MICAL3: variants seen among roughly 807,000 people sequenced by gnomAD.
MICAL3 encodes the protein [F-actin]-monooxygenase MICAL3.
Under a neutral mutation model 207.4 loss-of-function variants are expected in MICAL3, and 62 were observed. The ratio of observed to expected loss-of-function variants is 0.30; its 90% CI spans 0.24 to 0.37. The LOEUF is 0.37. MICAL3 is among the 10% of genes least tolerant of loss of function. The pLI is 1.00. For missense variants in MICAL3, 2,368 were observed against 2,635.6 expected, an observed-to-expected ratio of 0.90 and a Z score of 2.22; for synonymous variants, 1,077 against 1,069.3, an observed-to-expected ratio of 1.01 and a Z score of -0.14.
intron 1 of MICAL3, among the ~76,000 whole-genome samples, chr22:17,967,529 C>G (rs1339466702): frequency 6.6e-6 from 1 of 151,900 alleles, no homozygotes; most frequent in Admixed American, 6.6e-5. Context: ...GCATGGGGAT[C>G]CCACTGACAA....
At chr22:17,901,790 C>T (rs561554965) in intron 5 of MICAL3, 88 bp downstream of exon 5, 23 of 954,252 alleles carry the variant, frequency 2.4e-5, no homozygotes, top group East Asian at 2.4e-4. Flanking sequence ...AAAGGGTGGA[C>T]GCTGGTCACG....
At chr22:17,906,204 C>A (rs76365391) in intron 2 of MICAL3, among the ~76,000 whole-genome samples, 3 of 152,152 alleles carry the variant, frequency 2.0e-5, no homozygotes, top group African/African-American at 4.8e-5. Context: ...AAACTTTGAA[C>A]GCTCAATATG....
chr22:17,828,618 G>A (rs1922462849), intron 21 of MICAL3, among the ~76,000 whole-genome samples: 1 of 152,206 alleles, frequency 6.6e-6, no homozygotes, highest in African/African-American at 2.4e-5. Context: ...ACTCCATGTG[G>A]TGCCCTGCTT....
chr22:17,834,422 ACT>A (rs1923141177), intron 20 of MICAL3: 2 of 1,284,590 alleles, frequency 1.6e-6, no homozygotes, highest in East Asian at 5.7e-5. Flanking sequence ...CACAGAAAAG[ACT>A]CTTATGCTCA....
chr22:17,899,694 C>T (rs1433461056), intron 6 of MICAL3, 146 bp from the exon 7 acceptor site: 1 of 625,514 alleles, frequency 1.6e-6, no homozygotes, highest in South Asian at 1.9e-5. Context: ...TTCTCACGTC[C>T]TGTATCATCA....
At chr22:18,022,062 C>T (rs1049472532) in intron 1 of MICAL3, among the ~76,000 whole-genome samples, 1 of 152,086 alleles carries the variant, frequency 6.6e-6, no homozygotes, top group Admixed American at 6.6e-5. Context: ...ATTTCAGACC[C>T]CCAGTTTTAA....
At position 17,818,252 on chromosome 22, in the gene MICAL3, G is replaced by A; in HGVS notation, c.4409C>T (p.Ala1470Val). 5 of 1,526,788 alleles carry A rather than the reference G, an allele frequency of 3.3e-6. No homozygotes were observed. The highest frequency in any genetic ancestry group is 8.8e-7 in the Non-Finnish European group (1 of 1,141,660). 94.6% of individuals were successfully genotyped at this position (1,526,788 alleles called of 1,614,324 possible). The stretch of plus-strand genomic sequence containing the variant: ...CTCCCTGAGCTTCCTCCGCAAGGTG[G>A]CGGGCTCCTCGCCCGGGGGTGGCGG... The part of the protein sequence containing the change: ...PPPPPPGEEP[A>V]TLRRKLREAE... The change falls in exon 26 of 32, where the codon GCC becomes GTC. Residue 1470 changes from alanine to valine, a missense_variant. Physicochemically the swap from Ala to Val is moderately conservative, Grantham distance 64. This residue lies in a region of MICAL3 where 1,770 missense variants were observed against 1,863.2 expected (regional missense o/e 0.95). Coordinates refer to ENST00000441493, the MANE Select transcript of MICAL3 (RefSeq NM_015241.3).
At chr22:17,815,691 C>T (rs957708069) in intron 27 of MICAL3, 1 of 152,372 alleles carries the variant, frequency 6.6e-6, no homozygotes, top group Non-Finnish European at 1.5e-5. Flanking sequence ...CTAGAGTCTT[C>T]TAGGAGAGGG....
intron 1 of MICAL3, among the ~76,000 whole-genome samples, chr22:17,990,882 C>G (rs758232337): frequency 4.6e-5 from 7 of 152,216 alleles, no homozygotes; most frequent in Non-Finnish European, 8.8e-5. Flanking sequence ...GGTTTTTAGC[C>G]AAACCCCTTG....
chr22:17,975,368 T>TA (rs1039202617), intron 1 of MICAL3, among the ~76,000 whole-genome samples: 13 of 151,046 alleles, frequency 8.6e-5, no homozygotes, highest in African/African-American at 1.2e-4. Context: ...CCCGCAAATT[T>TA]AAAAAAAAAT....
intron 1 of MICAL3, among the ~76,000 whole-genome samples, chr22:18,017,166 A>G (rs907253025): frequency 1.3e-5 from 2 of 151,636 alleles, no homozygotes; most frequent in African/African-American, 4.8e-5. Context: ...CCACAATCCC[A>G]TGCCCATTCT....
At chr22:17,813,526 T>C (rs1307629489) in intron 27 of MICAL3, 1 of 152,060 alleles carries the variant, frequency 6.6e-6, no homozygotes, top group Admixed American at 6.6e-5. Flanking sequence ...CTCCCACAAA[T>C]CAGAGCAAGA....
At chr22:17,898,046 T>C (rs1931000289) in intron 7 of MICAL3, among the ~76,000 whole-genome samples, 1 of 151,788 alleles carries the variant, frequency 6.6e-6, no homozygotes, top group African/African-American at 2.4e-5. Context: ...TGCTCAATAC[T>C]AAGTAGCCAC....
intron 1 of MICAL3, among the ~76,000 whole-genome samples, chr22:17,960,482 G>A (rs754179428): frequency 8.5e-5 from 13 of 152,194 alleles, no homozygotes; most frequent in Admixed American, 1.3e-4. Context: ...TGAGGGGACA[G>A]GTACCACACA....
intron 1 of MICAL3, among the ~76,000 whole-genome samples, chr22:17,943,607 G>A (rs867863861): frequency 4.2e-4 from 64 of 152,356 alleles, no homozygotes; most frequent in South Asian, 2.7e-3. Context: ...CCAAGGCTGC[G>A]CTTTATGAAT....
chr22:17,829,864 T>C (rs1262113149), intron 21 of MICAL3, among the ~76,000 whole-genome samples: 1 of 149,404 alleles, frequency 6.7e-6, no homozygotes. Context: ...CTCCAGAACC[T>C]CTTCTGACTC....
In MICAL3 at chr22:18,018,740, ATATCTATCTATC is replaced by A. The variant is rs3083137; in HGVS notation, c.-75+5529_-75+5540del. 4.3e-3 allele frequency among the ~76,000 whole-genome samples: 640 copies of A among 149,962 alleles called. 16 individuals carry two copies. The East Asian group carries it at 0.066, about 15-fold the overall frequency. On this transcript the variant is annotated intron_variant, in intron 1 of 31. Transcript: ENST00000441493. Reference sequence around the variant, plus strand: ...CTCAAGAAAAAAATAAAAATAAAAAATATCTATCTATCTATCTATCTATCTATCTACACACAC... The same window carrying A: ...CTCAAGAAAAAAATAAAAATAAAAAATATCTATCTATCTATCTACACACAC...
chr22:17,982,958 T>C (rs2146442792), intron 1 of MICAL3, among the ~76,000 whole-genome samples: 1 of 152,280 alleles, frequency 6.6e-6, no homozygotes, highest in East Asian at 1.9e-4. Context: ...GCTCCTCATC[T>C]GGAAAGGACA....
intron 1 of MICAL3, among the ~76,000 whole-genome samples, chr22:17,980,087 C>T (rs1367856945): frequency 6.7e-6 from 1 of 150,158 alleles, no homozygotes; most frequent in African/African-American, 2.4e-5. Context: ...CCTTGGCCTC[C>T]CAAAGTGCTA....
Sources: allele counts gnomAD v4.1 joint callset (sites outside exome capture counted in the v4.1 genomes callset), GRCh38; gene constraint gnomAD v4.1.1; regional missense constraint gnomAD v4.1.1; transcripts MANE v1.5; gene names NCBI Gene and HGNC (gene_info 2026-07-23, HGNC 2026-07-21).